PCDH7: variants seen among roughly 807,000 people sequenced by gnomAD.
The protein encoded by PCDH7 is protocadherin 7.
A neutral mutation model predicts 58.9 loss-of-function variants in PCDH7; 17 were observed. The ratio of observed to expected loss-of-function variants is 0.29; its 90% CI spans 0.20 to 0.43. PCDH7 has a LOEUF of 0.43. PCDH7 is among the 20% of genes least tolerant of loss of function. PCDH7 has a pLI of 1.00. For missense variants in PCDH7, 1,274 were observed against 1,441.0 expected (o/e 0.88, Z 1.88); for synonymous variants, 664 against 616.4 (o/e 1.08, Z -1.14).
At chr4:30,820,150 A>G (rs1728200471) in intron 1 of PCDH7, among the ~76,000 whole-genome samples, 1 of 152,134 alleles carries the variant, frequency 6.6e-6, no homozygotes, top group Admixed American at 6.6e-5. Flanking sequence ...GAATACAGGA[A>G]AAGAGAGAGA....
chr4:31,082,694 A>G (rs1711659721), intron 3 of PCDH7, among the ~76,000 whole-genome samples: 1 of 139,128 alleles, frequency 7.2e-6, no homozygotes, highest in South Asian at 2.4e-4. Context: ...CAAAACCTGT[A>G]TGTTCTCACT....
intron 3 of PCDH7, among the ~76,000 whole-genome samples, chr4:31,020,864 A>G (rs1753968529): frequency 6.6e-6 from 1 of 152,210 alleles, no homozygotes; most frequent in Admixed American, 6.5e-5. Flanking sequence ...TAGGATTCAC[A>G]TTGATTTCTA....
intron 3 of PCDH7, among the ~76,000 whole-genome samples, chr4:31,110,970 G>A (rs1232673397): frequency 2.0e-5 from 3 of 150,818 alleles, no homozygotes; most frequent in Non-Finnish European, 4.4e-5. Flanking sequence ...TAAAAGTCAA[G>A]TTTAAAGTAA....
chr4:30,830,166 A>G (rs1248117095), intron 1 of PCDH7, among the ~76,000 whole-genome samples: 4 of 152,142 alleles, frequency 2.6e-5, no homozygotes, highest in African/African-American at 2.4e-5. Context: ...TATTATTTAA[A>G]TTAAATATGA....
intron 1 of PCDH7, among the ~76,000 whole-genome samples, chr4:30,777,201 A>T (rs1206248174): frequency 6.6e-6 from 1 of 152,178 alleles, no homozygotes; most frequent in East Asian, 1.9e-4. Flanking sequence ...TCTTTGTGAA[A>T]TGTGGTCACT....
At chr4:30,941,360 A>G (rs1388610569) in intron 2 of PCDH7, among the ~76,000 whole-genome samples, 1 of 151,858 alleles carries the variant, frequency 6.6e-6, no homozygotes, top group Non-Finnish European at 1.5e-5. Flanking sequence ...TTTTGTTTTC[A>G]TTTTCATTTG....
At chr4:30,814,423 C>G (rs1488824683) in intron 1 of PCDH7, among the ~76,000 whole-genome samples, 1 of 151,978 alleles carries the variant, frequency 6.6e-6, no homozygotes, top group Admixed American at 6.6e-5. Context: ...TTGTGAGCTC[C>G]TTTAGTTTAT....
chr4:30,881,849 A>G (rs1737012350), intron 1 of PCDH7, among the ~76,000 whole-genome samples: 1 of 152,118 alleles, frequency 6.6e-6, no homozygotes, highest in South Asian at 2.1e-4. Flanking sequence ...TTCTGTGCCT[A>G]TTCCTTAATC....
intron 3 of PCDH7, among the ~76,000 whole-genome samples, chr4:31,015,526 A>G (rs1233880171): frequency 1.3e-5 from 2 of 152,196 alleles, no homozygotes; most frequent in East Asian, 3.8e-4. Context: ...TACAAGCGTG[A>G]CACGTCAAAT....
At chr4:30,758,424 G>A (rs1209973960) in intron 1 of PCDH7, among the ~76,000 whole-genome samples, 1 of 152,148 alleles carries the variant, frequency 6.6e-6, no homozygotes, top group African/African-American at 2.4e-5. Context: ...GCAGACAAAT[G>A]GAATACTTCA....
At chr4:30,805,026 T>C (rs1200327592) in intron 1 of PCDH7, among the ~76,000 whole-genome samples, 6 of 152,156 alleles carry the variant, frequency 3.9e-5, no homozygotes, top group Non-Finnish European at 7.3e-5. Context: ...GTCAATTCTG[T>C]CTCTTTTTCT....
intron 1 of PCDH7, among the ~76,000 whole-genome samples, chr4:30,763,707 G>T (rs2109271165): frequency 6.6e-6 from 1 of 152,300 alleles, no homozygotes; most frequent in Middle Eastern, 3.4e-3. Flanking sequence ...ATGAAATAGG[G>T]TCTCAATATC....
intron 2 of PCDH7, among the ~76,000 whole-genome samples, chr4:30,924,962 A>T (rs561704812): frequency 1.8e-4 from 28 of 152,016 alleles, no homozygotes; most frequent in Admixed American, 9.2e-4. Flanking sequence ...AAATTTGGCC[A>T]CTCTAAATCC....
chr4:31,070,455 C>G (rs1262207699), intron 3 of PCDH7, among the ~76,000 whole-genome samples: 1 of 152,044 alleles, frequency 6.6e-6, no homozygotes, highest in Non-Finnish European at 1.5e-5. Flanking sequence ...ATGTTCTACT[C>G]CATTAGTAAA....
intron 3 of PCDH7, among the ~76,000 whole-genome samples, chr4:31,141,882 T>C (rs1720300824): frequency 6.6e-6 from 1 of 152,220 alleles, no homozygotes; most frequent in Non-Finnish European, 1.5e-5. Context: ...TGCTTATACC[T>C]GTAACTACTG....
At chr4:31,052,279 T>G (rs1756815794) in intron 3 of PCDH7, among the ~76,000 whole-genome samples, 1 of 152,278 alleles carries the variant, frequency 6.6e-6, no homozygotes. Flanking sequence ...GCAAAACTGA[T>G]ACAGAATTCT....
chr4:30,809,487 T>C (rs774547369), intron 1 of PCDH7, among the ~76,000 whole-genome samples: 2 of 152,188 alleles, frequency 1.3e-5, no homozygotes, highest in South Asian at 2.1e-4. Context: ...AATGCTGTTA[T>C]GAATAATTAA....
intron 2 of PCDH7, among the ~76,000 whole-genome samples, chr4:30,942,040 C>G (rs1237353206): frequency 6.6e-6 from 1 of 151,906 alleles, no homozygotes; most frequent in African/African-American, 2.4e-5. Context: ...TCCTACCTTA[C>G]TAGACTTTAT....
intron 2 of PCDH7, chr4:30,925,735 T>TAGCAATTCAC (rs989130205): frequency 3.3e-4 from 51 of 152,314 alleles, no homozygotes; most frequent in African/African-American, 1.1e-3. Flanking sequence ...TCACTTTGAA[T>TAGCAATTCAC]TTCTTCATAG....
Sources: gnomAD v4.1 joint callset for allele counts (sites outside exome capture counted in the v4.1 genomes callset) on GRCh38, gnomAD v4.1.1 for gene constraint, MANE v1.5 for transcripts, NCBI Gene and HGNC (gene_info 2026-07-23, HGNC 2026-07-21) for gene names.